The following CACNA1A variants were observed in gnomAD, a reference collection of about 807,000 sequenced individuals.
CACNA1A encodes the protein calcium voltage-gated channel subunit alpha1 A, also known as voltage-dependent P/Q-type calcium channel subunit alpha-1A.
In CACNA1A, 57 loss-of-function variants were observed where a neutral mutation model predicts 262.4. The ratio of observed to expected loss-of-function variants is 0.22; its 90% CI spans 0.18 to 0.27. The LOEUF is 0.27. CACNA1A is among the 10% of genes least tolerant of loss of function. The pLI is 1.00. For missense variants in CACNA1A, 2,526 were observed against 3,562.8 expected (o/e 0.71, Z 7.41); for synonymous variants, 1,431 against 1,419.3 (o/e 1.01, Z -0.18).
chr19:13,246,633 T>C (rs1356130620), intron 30 of CACNA1A, among the ~76,000 whole-genome samples: 1 of 145,342 alleles, frequency 6.9e-6, no homozygotes, highest in Non-Finnish European at 1.5e-5. Context: ...CTCTGTTTGT[T>C]TTTTTTTTTT....
chr19:13,490,367 G>A (rs1183842517), intron 1 of CACNA1A, among the ~76,000 whole-genome samples: 3 of 152,184 alleles, frequency 2.0e-5, no homozygotes. Flanking sequence ...CACTTTGGGA[G>A]GCTGAGGCAG....
In CACNA1A at chr19:13,308,596, T is replaced by G. The variant is rs1297435956; in HGVS notation, c.1669-68A>C. 2.0e-6 allele frequency: 2 copies of G among 998,722 alleles called. No individual in the cohort carries two copies. The highest frequency in any genetic ancestry group is 3.2e-5 in the African/African-American group (2 of 62,060). 61.9% of individuals were successfully genotyped at this position (998,722 alleles called of 1,614,324 possible). The stretch of plus-strand genomic sequence containing the variant: ...GGCTCCAGAACTGGCAAGCATTTCC[T>G]AGGTACCAACCTTGCAAGAACTCAA... On this transcript the variant is annotated intron_variant, in intron 12 of 46. Coordinates refer to ENST00000360228, the MANE Select transcript of CACNA1A (RefSeq NM_001127222.2). The surrounding 1 kb of genome is among the most constrained non-coding windows in gnomAD (Gnocchi z 4.2).
chr19:13,238,476 C>T (rs1462389874), intron 31 of CACNA1A, among the ~76,000 whole-genome samples: 1 of 152,204 alleles, frequency 6.6e-6, no homozygotes, highest in African/African-American at 2.4e-5. Flanking sequence ...CCCCACAACA[C>T]CTGCCTATCT....
intron 31 of CACNA1A, among the ~76,000 whole-genome samples, chr19:13,240,279 CTGTG>C (rs763025846): frequency 6.6e-6 from 1 of 151,696 alleles, no homozygotes; most frequent in Non-Finnish European, 1.5e-5. Context: ...GGTGCATAGA[CTGTG>C]TGTGCAGTGA....
intron 1 of CACNA1A, among the ~76,000 whole-genome samples, chr19:13,465,130 C>T (rs1484627672): frequency 2.6e-5 from 4 of 151,754 alleles, no homozygotes; most frequent in Non-Finnish European, 4.4e-5. Flanking sequence ...ATGGTTTCAC[C>T]ATGTTGGCCA....
chr19:13,308,354 G>A lies in CACNA1A; in HGVS notation c.1781+62C>T, dbSNP rs1600293020. The A allele has an allele frequency of 6.5e-6, 10 of 1,541,008 alleles. No homozygotes were observed. The East Asian group carries it at 7.0e-5, about 11-fold the overall frequency. Reference sequence around the variant, plus strand: ...CTCACTTTCCCAACTTTCTGGAGGCGGCCCCACCATGTCCCCCATCCCCAC... The same window carrying A: ...CTCACTTTCCCAACTTTCTGGAGGCAGCCCCACCATGTCCCCCATCCCCAC... On this transcript the variant is annotated intron_variant, in intron 13 of 46. Transcript: ENST00000360228. This position sits in a 1 kb window ranked among gnomAD's most constrained non-coding sequence, Gnocchi z 4.2.
intron 1 of CACNA1A, among the ~76,000 whole-genome samples, chr19:13,459,249 G>C (rs1374315293): frequency 6.6e-6 from 1 of 152,156 alleles, no homozygotes; most frequent in Non-Finnish European, 1.5e-5. Context: ...CCTGGAGTTA[G>C]GTTTGGCATT....
chr19:13,346,861 G>T (rs1340476378), intron 6 of CACNA1A, among the ~76,000 whole-genome samples: 1 of 147,376 alleles, frequency 6.8e-6, no homozygotes, highest in East Asian at 2.0e-4. Context: ...TTGTATTTTA[G>T]TAGAGACGGG....
intron 6 of CACNA1A, among the ~76,000 whole-genome samples, chr19:13,357,716 C>G (rs1245917602): frequency 6.6e-6 from 1 of 152,132 alleles, no homozygotes; most frequent in Non-Finnish European, 1.5e-5. Context: ...ATTATAAATG[C>G]ATTTAGGCTG....
At chr19:13,269,574 C>T (rs1043083530) in intron 24 of CACNA1A, among the ~76,000 whole-genome samples, 16 of 152,276 alleles carry the variant, frequency 1.1e-4, no homozygotes, top group African/African-American at 2.6e-4. Context: ...CTGCCAGTTG[C>T]GGTCCTGCCT....
chr19:13,306,965 C>G (rs1568517158), intron 15 of CACNA1A, among the ~76,000 whole-genome samples: 1 of 151,956 alleles, frequency 6.6e-6, no homozygotes, highest in Non-Finnish European at 1.5e-5. Flanking sequence ...GTATAACAAA[C>G]TTTCTTTTCG....
Position 13,227,461 on chromosome 19 carries a change from C to T in CACNA1A, c.5595G>A (p.Gly1865=), listed in dbSNP as rs1250951159. ...AAGCCACTCTGGCCGGACACTTCTT[C>T]CCCAGACCCAGGGGCGGAGACATGT... ...LRHMSPPLGL[G]KKCPARVAYK... The change falls in exon 37 of 47, where the codon GGG becomes GGA. Residue 1865 remains glycine (G), a synonymous_variant. Transcript: ENST00000360228. 2 of 1,609,182 alleles carry T rather than the reference C, an allele frequency of 1.2e-6. No homozygotes were observed. The highest frequency in any genetic ancestry group is 1.1e-5 in the South Asian group (1 of 90,512).
chr19:13,358,891 C>G (rs909873480), intron 6 of CACNA1A, among the ~76,000 whole-genome samples: 2 of 152,174 alleles, frequency 1.3e-5, no homozygotes, highest in Non-Finnish European at 2.9e-5. Flanking sequence ...GTGGGGAGAG[C>G]CAGCCCTGTC....
At chr19:13,413,505 A>T (rs1287691680) in intron 3 of CACNA1A, among the ~76,000 whole-genome samples, 1 of 146,578 alleles carries the variant, frequency 6.8e-6, no homozygotes, top group Admixed American at 7.0e-5. Flanking sequence ...CCAGGAGGTC[A>T]CGGCTGCAGA....
Position 13,427,942 on chromosome 19 carries a change from G to GTTTT in CACNA1A, c.539+24933_539+24934insAAAA, listed in dbSNP as rs1311890494. Among the ~76,000 whole-genome samples the GTTTT allele has an allele frequency of 2.1e-3, 319 of 151,146 alleles. 3 individuals carry two copies. Among genetic ancestry groups the GTTTT allele is most frequent in the African/African-American group, 7.5e-3 (304 of 40,640 alleles). ...ATAGGTAAAATGTGGATAATAACAG[G>GTTTT]TTGTTTTTTTTTGTGTGTGTGACAG... On this transcript the variant is annotated intron_variant, in intron 3 of 46. Transcript: ENST00000360228.
chr19:13,304,251 G>A (rs996241973), intron 15 of CACNA1A, among the ~76,000 whole-genome samples: 6 of 152,074 alleles, frequency 3.9e-5, no homozygotes, highest in Non-Finnish European at 8.8e-5. Context: ...ATGATGGGAT[G>A]GTATTTGGAG....
At chr19:13,393,871 G>A (rs893361974) in intron 3 of CACNA1A, among the ~76,000 whole-genome samples, 2 of 145,310 alleles carry the variant, frequency 1.4e-5, no homozygotes, top group African/African-American at 2.6e-5. Context: ...GCTGGGGAGC[G>A]ATAGCATGAT....
intron 34 of CACNA1A, 27 bp from the exon 35 acceptor site, chr19:13,231,887 C>G (rs200200460): frequency 1.2e-6 from 2 of 1,603,160 alleles, no homozygotes; most frequent in Non-Finnish European, 1.7e-6. Flanking sequence ...ATCAGAGACT[C>G]GGACACCCAG....
intron 3 of CACNA1A, among the ~76,000 whole-genome samples, chr19:13,439,565 A>G (rs1050758494): frequency 6.8e-6 from 1 of 146,192 alleles, no homozygotes; most frequent in Non-Finnish European, 1.5e-5. Context: ...ATGCCTGGCT[A>G]ATTTTTTTTT....
Sources: gnomAD v4.1 joint callset for allele counts (sites outside exome capture counted in the v4.1 genomes callset) on GRCh38, gnomAD v4.1.1 for gene constraint, Gnocchi (gnomAD v3.1) non-coding constraint, MANE v1.5 for transcripts, NCBI Gene and HGNC (gene_info 2026-07-23, HGNC 2026-07-21) for gene names.